The following MBNL2 variants were observed in gnomAD, a reference collection of about 807,000 sequenced individuals.
The protein encoded by MBNL2 is muscleblind-like protein 2.
A neutral mutation model predicts 41.9 loss-of-function variants in MBNL2; 17 were observed. The ratio of observed to expected loss-of-function variants is 0.41; its 90% CI spans 0.28 to 0.61. MBNL2 has a LOEUF of 0.61. Among genes scored for constraint, MBNL2 ranks in the 20% least tolerant of loss-of-function variants. MBNL2 has a pLI of 0.35. For synonymous variants in MBNL2, 195 were observed against 182.9 expected (o/e 1.07, Z -0.53); for missense variants, 336 against 505.6 (o/e 0.66, Z 3.22).
chr13:97,299,438 A>G (rs1462291211), intron 2 of MBNL2, among the ~76,000 whole-genome samples: 1 of 152,136 alleles, frequency 6.6e-6, no homozygotes, highest in African/African-American at 2.4e-5. Flanking sequence ...TTGGAGCACA[A>G]TTTGTAAATA....
chr13:97,158,669 G>A, the MBNL2 span, among the ~76,000 whole-genome samples: 1 of 151,954 alleles, frequency 6.6e-6, no homozygotes, highest in Non-Finnish European at 1.5e-5. Flanking sequence ...TAGTCATTCA[G>A]GAGCAGGTAG....
chr13:97,353,931 C>T (rs1343331851), intron 5 of MBNL2, among the ~76,000 whole-genome samples: 7 of 151,348 alleles, frequency 4.6e-5, no homozygotes, highest in African/African-American at 4.9e-5. Flanking sequence ...TAGCTCTGAT[C>T]ATTGTTGTCA....
chr13:97,210,212 A>G, the MBNL2 span, among the ~76,000 whole-genome samples: 15 of 152,248 alleles, frequency 9.9e-5, no homozygotes, highest in African/African-American at 3.4e-4. Context: ...GTGATGTTAC[A>G]TAACTCAGAG....
chr13:97,177,790 TG>T, the MBNL2 span, among the ~76,000 whole-genome samples: 1 of 152,142 alleles, frequency 6.6e-6, no homozygotes, highest in Admixed American at 6.5e-5. Flanking sequence ...AGACATAAAA[TG>T]TGTTAACATA....
At chr13:97,240,839 G>A (rs1232124197) in intron 1 of MBNL2, among the ~76,000 whole-genome samples, 1 of 152,174 alleles carries the variant, frequency 6.6e-6, no homozygotes, top group African/African-American at 2.4e-5. Context: ...TGAAGCACTT[G>A]AACGAGCTCC....
intron 2 of MBNL2, among the ~76,000 whole-genome samples, chr13:97,329,580 C>T (rs913289592): frequency 5.0e-4 from 5 of 9,958 alleles, no homozygotes; most frequent in African/African-American, 1.1e-3. Flanking sequence ...TCCTGGCACA[C>T]GCTGCTCCTC....
At position 97,348,710 on chromosome 13, in the gene MBNL2, CAAG is replaced by C. The variant is rs2062133183; in HGVS notation, c.804+1647_804+1649del. On this transcript the variant is annotated intron_variant, in intron 5 of 8. Transcript: ENST00000679496. ...AAGGACTCAGTGGCCAGTCCTCCCTCAAGAAGGAGAGCTATGACTGCAGAGATG... is the reference window on the plus strand; with the variant it reads ...AAGGACTCAGTGGCCAGTCCTCCCTCAAGGAGAGCTATGACTGCAGAGATG... 3.3e-5 allele frequency among the ~76,000 whole-genome samples: 5 copies of C among 152,294 alleles called. No individual in the cohort carries two copies. In the South Asian group the frequency reaches 8.3e-4, roughly 25 times the overall value.
chr13:97,358,707 C>A (rs967589651), intron 7 of MBNL2, among the ~76,000 whole-genome samples: 1 of 152,082 alleles, frequency 6.6e-6, no homozygotes, highest in African/African-American at 2.4e-5. Flanking sequence ...CCATTGAGTT[C>A]TTTGAAAGTC....
At chr13:97,283,016 GT>G (rs1370428244) in intron 2 of MBNL2, among the ~76,000 whole-genome samples, 2 of 152,176 alleles carry the variant, frequency 1.3e-5, no homozygotes, top group Non-Finnish European at 2.9e-5. Flanking sequence ...CTTTTATGTC[GT>G]TCACCATTTC....
chr13:97,196,442 C>T, the MBNL2 span, among the ~76,000 whole-genome samples: 57 of 152,194 alleles, frequency 3.7e-4, no homozygotes, highest in African/African-American at 1.2e-3. Context: ...GAGGAACAGA[C>T]GGCTATTTAG....
chr13:97,251,376 T>C (rs1169427004), intron 1 of MBNL2, among the ~76,000 whole-genome samples: 2 of 151,920 alleles, frequency 1.3e-5, no homozygotes, highest in Non-Finnish European at 2.9e-5. Flanking sequence ...ACCCCATAAA[T>C]AGATACACCT....
intron 2 of MBNL2, among the ~76,000 whole-genome samples, chr13:97,305,532 G>A (rs1301985432): frequency 6.6e-6 from 1 of 152,186 alleles, no homozygotes; most frequent in Non-Finnish European, 1.5e-5. Context: ...GGGAGGCTAA[G>A]GCAGGCTGAT....
the MBNL2 span, among the ~76,000 whole-genome samples, chr13:97,152,799 C>T: frequency 6.6e-6 from 1 of 152,120 alleles, no homozygotes; most frequent in Non-Finnish European, 1.5e-5. Flanking sequence ...ATAAGATCCT[C>T]TCAAATGAGG....
the MBNL2 span, among the ~76,000 whole-genome samples, chr13:97,187,803 A>C: frequency 2.0e-5 from 3 of 150,528 alleles, no homozygotes; most frequent in Non-Finnish European, 4.4e-5. Flanking sequence ...GCTACTCCGG[A>C]GGCTGAGGCA....
intron 1 of MBNL2, among the ~76,000 whole-genome samples, chr13:97,246,986 A>G (rs967283844): frequency 7.2e-5 from 11 of 152,196 alleles, no homozygotes; most frequent in African/African-American, 2.7e-4. Context: ...AGTAGCCTAA[A>G]TAATGAAACT....
chr13:97,199,686 G>A, the MBNL2 span, among the ~76,000 whole-genome samples: 1 of 152,224 alleles, frequency 6.6e-6, no homozygotes, highest in South Asian at 2.1e-4. Flanking sequence ...AATGCTGACA[G>A]CGCAGTGGCT....
At chr13:97,298,297 A>C (rs2152994758) in intron 2 of MBNL2, among the ~76,000 whole-genome samples, 1 of 152,346 alleles carries the variant, frequency 6.6e-6, no homozygotes, top group Non-Finnish European at 1.5e-5. Flanking sequence ...CAAAGTAGGA[A>C]GGCAGTAACT....
At chr13:97,378,760 GA>G (rs201832459) in intron 8 of MBNL2, among the ~76,000 whole-genome samples, 12 of 151,404 alleles carry the variant, frequency 7.9e-5, no homozygotes, top group African/African-American at 1.7e-4. Flanking sequence ...AATAGAAACT[GA>G]AAAAAAATTA....
intron 3 of MBNL2, among the ~76,000 whole-genome samples, chr13:97,338,240 G>A (rs1489762167): frequency 6.6e-6 from 1 of 152,062 alleles, no homozygotes; most frequent in Admixed American, 6.6e-5. Flanking sequence ...CCCAGCCTCT[G>A]CCTCTGCTGG....
Sources: gnomAD v4.1 joint callset for allele counts (sites outside exome capture counted in the v4.1 genomes callset) on GRCh38, gnomAD v4.1.1 for gene constraint, MANE v1.5 for transcripts, NCBI Gene and HGNC (gene_info 2026-07-23, HGNC 2026-07-21) for gene names.